NFIX: variants seen among roughly 807,000 people sequenced by gnomAD.
NFIX encodes nuclear factor 1 X-type.
Under a neutral mutation model 53.3 loss-of-function variants are expected in NFIX, and 2 were observed. That is an observed-to-expected ratio of 0.04 (90% CI 0.02 to 0.12). The LOEUF (loss-of-function observed/expected upper bound fraction) is 0.12. Ranked by LOEUF, NFIX falls within the 10% of genes least tolerant of loss-of-function variation. The probability of loss-of-function intolerance (pLI) is 1.00; values close to 1 mark genes in which losing one functional copy is unlikely to be tolerated. For missense variants in NFIX, 310 were observed against 674.5 expected, an observed-to-expected ratio of 0.46 and a Z score of 5.99; for synonymous variants, 244 against 289.0, an observed-to-expected ratio of 0.84 and a Z score of 1.58.
chr19:13,094,390 CGG>C lies in NFIX; in HGVS notation c.1495-243_1495-242del, dbSNP rs1489722556. Among the ~76,000 whole-genome samples, 1 of 152,176 alleles carries C rather than the reference CGG, an allele frequency of 6.6e-6. No individual in the cohort carries two copies. The highest frequency in any genetic ancestry group is 2.4e-5 in the African/African-American group (1 of 41,430). On this transcript the variant is annotated intron_variant, in intron 10 of 10. Transcript: ENST00000592199. This position sits in a 1 kb window ranked among gnomAD's most constrained non-coding sequence, Gnocchi z 4.3. ...TCCCACCCGCTGGGCACAGTGCCCA[CGG>C]GAAGGCCAGCTGGACTCTAGCACTA... is the stretch of plus-strand genomic sequence containing the variant.
At chr19:13,083,608 C>G (rs531722665) in intron 8 of NFIX, among the ~76,000 whole-genome samples, 6 of 152,296 alleles carry the variant, frequency 3.9e-5, no homozygotes, top group Non-Finnish European at 2.9e-5. Context: ...CTGAGGCAGG[C>G]ACTTGCTCCA....
chr19:13,090,188 G>A lies in NFIX; in HGVS notation c.1403-111G>A. On this transcript the variant is annotated intron_variant, in intron 9 of 10. Coordinates refer to ENST00000592199, the MANE Select transcript of NFIX (RefSeq NM_001365902.3). The surrounding 1 kb of genome is among the most constrained non-coding windows in gnomAD (Gnocchi z 6.6). ...CCTTCCCACTGCCAGCCTAAACTCG[G>A]GCAGCATGGTCTAACTCAGTCTCTC... 9.8e-7 allele frequency: 1 copy of A among 1,022,932 alleles called. No homozygotes were observed. Among genetic ancestry groups the A allele is most frequent in the Admixed American group, 1.8e-5 (1 of 56,614 alleles). 63.4% of individuals were successfully genotyped at this position (1,022,932 alleles called of 1,614,324 possible).
chr19:12,996,001 T>G lies in NFIX; in HGVS notation c.27+137T>G. The G allele has an allele frequency of 4.5e-6, 1 of 221,160 alleles. No individual in the cohort carries two copies. The highest frequency in any genetic ancestry group is 7.6e-6 in the Non-Finnish European group (1 of 132,444). The allele number at this position is 221,160 out of a possible 1,614,324, so 13.7% of individuals were successfully genotyped here. A position where few individuals can be genotyped will look rare whatever the true frequency, so the allele number is the denominator to read the frequency against. Reference sequence around the variant, plus strand: ...GCGGGCCGCCGAGGGGTGCAGGCTGTGCCGCGGGGAGCCCAGGCACGCGTG... The same window carrying G: ...GCGGGCCGCCGAGGGGTGCAGGCTGGGCCGCGGGGAGCCCAGGCACGCGTG... On this transcript the variant is annotated intron_variant, in intron 1 of 10. Coordinates refer to ENST00000592199, the MANE Select transcript of NFIX (RefSeq NM_001365902.3). This position sits in a 1 kb window ranked among gnomAD's most constrained non-coding sequence, Gnocchi z 5.2.
intron 1 of NFIX, chr19:13,023,929 GCTCCTC>G: frequency 1.6e-6 from 1 of 642,334 alleles, no homozygotes; most frequent in Admixed American, 2.7e-5. Flanking sequence ...TTCCTCCCCT[GCTCCTC>G]CTCCTCCCCC....
intron 2 of NFIX, among the ~76,000 whole-genome samples, chr19:13,064,904 G>C (rs989276589): frequency 6.6e-6 from 1 of 152,230 alleles, no homozygotes; most frequent in Non-Finnish European, 1.5e-5. Flanking sequence ...CCTGAGCTAA[G>C]CACCTTATTA....
Position 13,001,738 on chromosome 19 carries a change from G to T in NFIX, c.27+5874G>T, listed in dbSNP as rs534741004. On this transcript the variant is annotated intron_variant, in intron 1 of 10. Coordinates refer to ENST00000592199, the MANE Select transcript of NFIX (RefSeq NM_001365902.3). The surrounding 1 kb of genome is among the most constrained non-coding windows in gnomAD (Gnocchi z 6.5). ...CTTGTCCCCGTGACAATCACTGTGG[G>T]TCTCACCCCACGGGCGCCTCTCCTG... 7.9e-5 allele frequency among the ~76,000 whole-genome samples: 12 copies of T among 152,280 alleles called. No individual in the cohort carries two copies. In the East Asian group the frequency reaches 2.1e-3, roughly 27 times the overall value.
intron 1 of NFIX, among the ~76,000 whole-genome samples, chr19:13,016,070 G>A (rs1023271730): frequency 6.6e-6 from 1 of 152,156 alleles, no homozygotes; most frequent in African/African-American, 2.4e-5. Context: ...TTACATGGGT[G>A]TGTTCACTTT....
At position 13,098,657 on chromosome 19, in the gene NFIX, G is replaced by T. The variant is rs1189130587; in HGVS notation, c.*4008G>T. On this transcript the variant is annotated 3_prime_UTR_variant, in exon 11 of 11. Coordinates refer to ENST00000592199, the MANE Select transcript of NFIX (RefSeq NM_001365902.3). ...CGGAATGCAAGTAGGCAGCCAGCCC[G>T]TCTGTTCCCTCTCCGCCCCGCCCCG... 6.6e-6 allele frequency: 1 copy of T among 152,524 alleles called. No homozygotes were observed. The highest frequency in any genetic ancestry group is 2.0e-4 in the East Asian group (1 of 5,106). 9.4% of individuals were successfully genotyped at this position (152,524 alleles called of 1,614,324 possible). A position where few individuals can be genotyped will look rare whatever the true frequency, so the allele number is the denominator to read the frequency against.
In NFIX at chr19:13,078,913, A is replaced by T. The variant is rs2017287632; in HGVS notation, c.1078+178A>T. 6.6e-6 allele frequency among the ~76,000 whole-genome samples: 1 copy of T among 152,170 alleles called. No individual in the cohort carries two copies. The highest frequency in any genetic ancestry group is 2.4e-5 in the African/African-American group (1 of 41,446). On this transcript the variant is annotated intron_variant, in intron 7 of 10. Coordinates refer to ENST00000592199, the MANE Select transcript of NFIX (RefSeq NM_001365902.3). This position sits in a 1 kb window ranked among gnomAD's most constrained non-coding sequence, Gnocchi z 4.7. ...CGGCCCCTGCTTCACGTAGCACCTC[A>T]TCGAGGACCAGGCCGGGCCCCTGGG...
chr19:13,045,933 T>TA lies in NFIX; in HGVS notation c.559+20382dup, dbSNP rs1350215539. Among the ~76,000 whole-genome samples, 2 of 152,106 alleles carry TA rather than the reference T, an allele frequency of 1.3e-5. No homozygotes were observed. The highest frequency in any genetic ancestry group is 2.9e-5 in the Non-Finnish European group (2 of 68,018). On this transcript the variant is annotated intron_variant, in intron 2 of 10. Transcript: ENST00000592199. The surrounding 1 kb of genome is among the most constrained non-coding windows in gnomAD (Gnocchi z 4.4). The stretch of plus-strand genomic sequence containing the variant: ...CAGGTGGGAGGAGTCCAGAGGAAGA[T>TA]ACGCAGAAATAGGAAGGGCTGACAC...
At chr19:13,092,675 G>A (rs997977937) in intron 10 of NFIX, among the ~76,000 whole-genome samples, 24 of 152,380 alleles carry the variant, frequency 1.6e-4, no homozygotes, top group Admixed American at 9.1e-4. Context: ...CAGGGTTCCT[G>A]TATAGTCTCC....
chr19:13,026,142 G>A (rs753201464), intron 2 of NFIX, among the ~76,000 whole-genome samples: 9 of 152,184 alleles, frequency 5.9e-5, no homozygotes, highest in Non-Finnish European at 1.0e-4. Context: ...TCAGGCGGGA[G>A]CTGTTTTGGC....
intron 8 of NFIX, among the ~76,000 whole-genome samples, chr19:13,086,852 G>C (rs1289308769): frequency 6.6e-6 from 1 of 152,236 alleles, no homozygotes; most frequent in Admixed American, 6.5e-5. Context: ...GCTGAAATCT[G>C]TGAGGACAGA....
intron 2 of NFIX, among the ~76,000 whole-genome samples, chr19:13,055,922 C>T (rs887287800): frequency 1.3e-5 from 2 of 152,206 alleles, no homozygotes; most frequent in African/African-American, 4.8e-5. Context: ...GCACCCAGCC[C>T]CACGGAGGTG....
rs1044549269 is a variant in NFIX, at chr19:13,002,629, G to A, written c.27+6765G>A. 2.0e-5 allele frequency among the ~76,000 whole-genome samples: 3 copies of A among 152,200 alleles called. No homozygotes were observed. Among genetic ancestry groups the A allele is most frequent in the Non-Finnish European group, 4.4e-5 (3 of 68,032 alleles). ...GTCTGGCTTCTGGTGGGGCTGGCAG[G>A]CCTCTGTGAGGCGCAGCTGTGCCCA... On this transcript the variant is annotated intron_variant, in intron 1 of 10. Coordinates refer to ENST00000592199, the MANE Select transcript of NFIX (RefSeq NM_001365902.3). The surrounding 1 kb of genome is among the most constrained non-coding windows in gnomAD (Gnocchi z 6.1).
rs1422527160 is a variant in NFIX at position 13,067,033 on chromosome 19, C to CA, written c.560-6013dup. Among the ~76,000 whole-genome samples, 4 of 152,184 alleles carry CA rather than the reference C, an allele frequency of 2.6e-5. No homozygotes were observed. The highest frequency in any genetic ancestry group is 5.9e-5 in the Non-Finnish European group (4 of 68,030). On this transcript the variant is annotated intron_variant, in intron 2 of 10. Coordinates refer to ENST00000592199, the MANE Select transcript of NFIX (RefSeq NM_001365902.3). This position sits in a 1 kb window ranked among gnomAD's most constrained non-coding sequence, Gnocchi z 4.2. The stretch of plus-strand genomic sequence containing the variant: ...ATTCTCAGACTTCAGTTTCAGGAGG[C>CA]ACAATAGTTACATTCTCCAGCTCTG...
At chr19:13,023,239 C>T (rs1421053952) in intron 1 of NFIX, among the ~76,000 whole-genome samples, 2 of 151,590 alleles carry the variant, frequency 1.3e-5, no homozygotes, top group African/African-American at 4.9e-5. Flanking sequence ...CCAACCAGTG[C>T]GCACACACAC....
Position 13,090,310 on chromosome 19 carries a change from A to T in NFIX, c.1414A>T (p.Thr472Ser). Reference sequence around the variant, plus strand: ...CCTGCTCCCCACAGCATTCGCAACGACAGGCGCCTCCTCTGCCAACCGGTT... The same window carrying T: ...CCTGCTCCCCACAGCATTCGCAACGTCAGGCGCCTCCTCTGCCAACCGGTT... ...LTPPSPSFAT[T>S]GASSANRFVS... Residue 472 changes from threonine (T) to serine (S), a missense_variant, in exon 10 of 11, where the codon ACA becomes TCA. Thr to Ser is a moderately conservative substitution (Grantham distance 58, BLOSUM62 1). Around this residue, in one of 5 missense-constraint regions of NFIX, gnomAD observed 44 missense variants for 73.4 expected, o/e 0.60. Transcript: ENST00000592199. This position sits in a 1 kb window ranked among gnomAD's most constrained non-coding sequence, Gnocchi z 6.6. 1 of 1,613,888 alleles carries T rather than the reference A, an allele frequency of 6.2e-7. No individual in the cohort carries two copies. Among genetic ancestry groups the T allele is most frequent in the Non-Finnish European group, 8.5e-7 (1 of 1,179,858 alleles).
At chr19:13,026,380 CAAA>C (rs764058826) in intron 2 of NFIX, among the ~76,000 whole-genome samples, 1 of 128,956 alleles carries the variant, frequency 7.8e-6, no homozygotes, top group African/African-American at 2.8e-5. Context: ...ACAAACAAAC[CAAA>C]AAAAAAAAAA....
Sources: gnomAD v4.1 joint callset for allele counts (sites outside exome capture counted in the v4.1 genomes callset) on GRCh38, gnomAD v4.1.1 for gene constraint, gnomAD v4.1.1 regional missense constraint, Gnocchi (gnomAD v3.1) non-coding constraint, MANE v1.5 for transcripts, NCBI Gene and HGNC (gene_info 2026-07-23, HGNC 2026-07-21) for gene names.